Variants in MYO1E observed in about 807,000 individuals in gnomAD.
MYO1E encodes the protein unconventional myosin-Ie.
MYO1E carries 68 observed loss-of-function variants against 151.1 expected under a neutral mutation model. The observed-to-expected ratio is 0.45, with a 90% CI of 0.37 to 0.55. MYO1E has a LOEUF of 0.55. MYO1E is among the 20% of genes least tolerant of loss of function. MYO1E has a pLI of 0.00. For missense variants in MYO1E, 1,363 were observed against 1,389.3 expected (o/e 0.98, Z 0.30); for synonymous variants, 601 against 501.7 (o/e 1.20, Z -2.64).
At chr15:59,141,741 T>C (rs1235005786) in intron 26 of MYO1E, among the ~76,000 whole-genome samples, 5 of 136,874 alleles carry the variant, frequency 3.7e-5, no homozygotes, top group Non-Finnish European at 7.6e-5. Flanking sequence ...GAGGTTACAG[T>C]GAGTCGAGAT....
intron 8 of MYO1E, 25 bp downstream of exon 8, chr15:59,224,664 T>C: frequency 1.9e-6 from 3 of 1,614,128 alleles, no homozygotes; most frequent in South Asian, 2.2e-5. Flanking sequence ...GAGCAGATCC[T>C]GCCTGGCCCT....
chr15:59,338,310 G>C (rs2080742701), intron 1 of MYO1E, among the ~76,000 whole-genome samples: 1 of 131,892 alleles, frequency 7.6e-6, no homozygotes, highest in African/African-American at 2.8e-5. Context: ...TTGCTTGAAA[G>C]AGGAGTTGAA....
At chr15:59,253,882 G>C (rs2080179179) in intron 4 of MYO1E, among the ~76,000 whole-genome samples, 1 of 142,062 alleles carries the variant, frequency 7.0e-6, no homozygotes, top group Non-Finnish European at 1.6e-5. Flanking sequence ...TGTATAGTAA[G>C]ATCTACAGGA....
intron 1 of MYO1E, among the ~76,000 whole-genome samples, chr15:59,294,020 C>T (rs1406194597): frequency 6.6e-6 from 1 of 152,152 alleles, no homozygotes; most frequent in East Asian, 1.9e-4. Context: ...CCAGCCTGGG[C>T]AACAGAGCAA....
At chr15:59,170,637 C>T in intron 22 of MYO1E, among the ~76,000 whole-genome samples, 1 of 151,912 alleles carries the variant, frequency 6.6e-6, no homozygotes, top group East Asian at 1.9e-4. Flanking sequence ...TGAGGTGGGG[C>T]TGCAAAATGG....
At chr15:59,209,590 C>T (rs187371898) in intron 13 of MYO1E, among the ~76,000 whole-genome samples, 5,155 of 151,900 alleles carry the variant, frequency 0.034, 292 homozygotes, top group African/African-American at 0.12. Flanking sequence ...ACAGGAGAAT[C>T]GCTTGAACCC....
chr15:59,269,163 T>A (rs2080275152), intron 2 of MYO1E, among the ~76,000 whole-genome samples: 1 of 152,146 alleles, frequency 6.6e-6, no homozygotes, highest in Non-Finnish European at 1.5e-5. Context: ...AACTCGGAAA[T>A]ATGGGAAGCA....
Position 59,224,318 on chromosome 15 carries a change from A to G in MYO1E, c.777+371T>C, listed in dbSNP as rs2079975179. 2.6e-5 allele frequency among the ~76,000 whole-genome samples: 4 copies of G among 152,264 alleles called. No individual in the cohort carries two copies. The South Asian group carries it at 8.3e-4, about 32-fold the overall frequency. ...AGACTAAAGACGTTCCAAAATGTCTAAACCTATTCAGTCCATAGACGTGCG... is the reference window on the plus strand; with the variant it reads ...AGACTAAAGACGTTCCAAAATGTCTGAACCTATTCAGTCCATAGACGTGCG... On this transcript the variant is annotated intron_variant, in intron 8 of 27. Transcript: ENST00000288235.
At chr15:59,221,529 A>G (rs1251224529) in intron 9 of MYO1E, among the ~76,000 whole-genome samples, 1 of 152,194 alleles carries the variant, frequency 6.6e-6, no homozygotes, top group East Asian at 1.9e-4. Flanking sequence ...ATACCCCCTC[A>G]AGCCACGTTA....
chr15:59,150,437 A>G (rs1163645371), intron 26 of MYO1E, among the ~76,000 whole-genome samples: 4 of 152,236 alleles, frequency 2.6e-5, no homozygotes, highest in African/African-American at 9.6e-5. Context: ...CAGCTGGCTG[A>G]TGTGCAAGTT....
At chr15:59,275,173 G>A (rs1290969011) in intron 1 of MYO1E, among the ~76,000 whole-genome samples, 1 of 152,090 alleles carries the variant, frequency 6.6e-6, no homozygotes, top group Non-Finnish European at 1.5e-5. Context: ...TCTCATACAT[G>A]AATGACTGAC....
intron 1 of MYO1E, among the ~76,000 whole-genome samples, chr15:59,322,693 G>A (rs1210951659): frequency 6.6e-6 from 1 of 152,182 alleles, no homozygotes; most frequent in Non-Finnish European, 1.5e-5. Flanking sequence ...ATAGAGTCCT[G>A]ACACAGATTG....
chr15:59,172,779 T>C (rs559042522), intron 21 of MYO1E, among the ~76,000 whole-genome samples: 1 of 152,382 alleles, frequency 6.6e-6, no homozygotes, highest in Admixed American at 6.5e-5. Flanking sequence ...TGAATGATAA[T>C]TCTCAATAAT....
chr15:59,358,510 A>C (rs543864000), intron 1 of MYO1E, among the ~76,000 whole-genome samples: 21 of 152,248 alleles, frequency 1.4e-4, no homozygotes, highest in East Asian at 5.8e-4. Context: ...TAGAAGGAAA[A>C]GGCCATCCCA....
At chr15:59,204,780 A>C (rs2079822275) in intron 15 of MYO1E, among the ~76,000 whole-genome samples, 1 of 152,110 alleles carries the variant, frequency 6.6e-6, no homozygotes, top group Non-Finnish European at 1.5e-5. Flanking sequence ...ACTCTGGTTA[A>C]TGTGGGTCTT....
chr15:59,264,212 C>G (rs1274522840), intron 2 of MYO1E, among the ~76,000 whole-genome samples: 1 of 152,122 alleles, frequency 6.6e-6, no homozygotes, highest in Non-Finnish European at 1.5e-5. Context: ...TGCAGCATTT[C>G]AAATTTGGAA....
intron 1 of MYO1E, among the ~76,000 whole-genome samples, chr15:59,362,044 C>G (rs1352381778): frequency 6.6e-6 from 1 of 152,016 alleles, no homozygotes; most frequent in African/African-American, 2.4e-5. Flanking sequence ...GCTATGTTGG[C>G]TAGGCTGGTC....
chr15:59,232,128 C>T (rs1269503477), intron 5 of MYO1E, among the ~76,000 whole-genome samples: 1 of 152,168 alleles, frequency 6.6e-6, no homozygotes, highest in African/African-American at 2.4e-5. Flanking sequence ...GGGGCGTGTC[C>T]TTGCTGTTCT....
intron 26 of MYO1E, among the ~76,000 whole-genome samples, chr15:59,146,808 A>T (rs1482239180): frequency 6.6e-6 from 1 of 151,692 alleles, no homozygotes; most frequent in Admixed American, 6.6e-5. Context: ...GTGTTTCATT[A>T]TATGTAATTT....
Sources: gnomAD v4.1 joint callset for allele counts (sites outside exome capture counted in the v4.1 genomes callset) on GRCh38, gnomAD v4.1.1 for gene constraint, MANE v1.5 for transcripts, NCBI Gene and HGNC (gene_info 2026-07-23, HGNC 2026-07-21) for gene names.